Variants in ELP3 observed in about 807,000 individuals in gnomAD.
ELP3 encodes the protein elongator acetyltransferase complex subunit 3.
ELP3 carries 56 observed loss-of-function variants against 74.9 expected under a neutral mutation model. That is an observed-to-expected ratio of 0.75 (90% confidence interval 0.60 to 0.93). ELP3 has a LOEUF of 0.93. Among genes scored for constraint, ELP3 ranks in the 40% least tolerant of loss-of-function variants. ELP3 has a pLI of 0.00. For missense variants in ELP3, 573 were observed against 686.5 expected (o/e 0.83, Z 1.85); for synonymous variants, 222 against 239.8 (o/e 0.93, Z 0.68).
chr8:28,155,111 A>G (rs1287061515), intron 10 of ELP3, among the ~76,000 whole-genome samples: 1 of 152,260 alleles, frequency 6.6e-6, no homozygotes, highest in Non-Finnish European at 1.5e-5. Context: ...AAGCAAAATG[A>G]GAAGAAAAGA....
rs926943767 is a variant in ELP3 at position 28,129,670 on chromosome 8, T to C, written c.779+7T>C. On this transcript the variant is annotated splice_region_variant and intron_variant, in intron 8 of 14. Transcript: ENST00000256398. ...TGGCTAGAGACACCAACAGGTAAGATGGTGGCAGGTGATCTTGCACAAGTC... is the reference window on the plus strand; with the variant it reads ...TGGCTAGAGACACCAACAGGTAAGACGGTGGCAGGTGATCTTGCACAAGTC... 1.9e-6 allele frequency: 3 copies of C among 1,613,702 alleles called. No individual in the cohort carries two copies. The highest frequency in any genetic ancestry group is 3.3e-5 in the Admixed American group (2 of 60,020).
chr8:28,181,168 A>G (rs531973001), intron 14 of ELP3, among the ~76,000 whole-genome samples: 3 of 152,338 alleles, frequency 2.0e-5, no homozygotes, highest in East Asian at 1.9e-4. Flanking sequence ...ATTTTGTCTA[A>G]TATTTTCATT....
At chr8:28,125,621 G>A (rs1169172019) in intron 7 of ELP3, among the ~76,000 whole-genome samples, 1 of 152,114 alleles carries the variant, frequency 6.6e-6, no homozygotes, top group Non-Finnish European at 1.5e-5. Flanking sequence ...CTTAGTGCAA[G>A]GAGACAGTAA....
intron 5 of ELP3, 52 bp downstream of exon 5, chr8:28,108,028 G>T (rs1264521601): frequency 1.3e-6 from 2 of 1,492,042 alleles, no homozygotes; most frequent in Non-Finnish European, 9.3e-7. Context: ...TGCTTTACCT[G>T]TAGTATGGTT....
At chr8:28,153,392 A>C (rs528915830) in intron 10 of ELP3, among the ~76,000 whole-genome samples, 1 of 152,184 alleles carries the variant, frequency 6.6e-6, no homozygotes, top group Non-Finnish European at 1.5e-5. Flanking sequence ...ACCTGTCCAC[A>C]TTTGTCCCTA....
chr8:28,176,553 T>C (rs1449151325), intron 14 of ELP3, among the ~76,000 whole-genome samples: 1 of 152,186 alleles, frequency 6.6e-6, no homozygotes, highest in Non-Finnish European at 1.5e-5. Context: ...CTCTCCCTCA[T>C]CAGACACTCC....
At chr8:28,092,273 T>C (rs1357105662), upstream of ELP3, among the ~76,000 whole-genome samples, 2 of 152,178 alleles carry the variant, frequency 1.3e-5, no homozygotes, top group Non-Finnish European at 2.9e-5. Context: ...CTCTGTCGTC[T>C]AGGCTGGACA....
intron 10 of ELP3, among the ~76,000 whole-genome samples, chr8:28,138,449 A>G (rs895182719): frequency 1.3e-5 from 2 of 152,248 alleles, no homozygotes; most frequent in Non-Finnish European, 2.9e-5. Flanking sequence ...ATACTTACAT[A>G]CATACATACA....
chr8:28,113,149 C>G lies in ELP3; in HGVS notation c.593C>G (p.Ser198Cys), dbSNP rs779866999. The change falls in exon 7 of 15, where the codon TCC (serine) becomes TGC (cysteine). Residue 198 changes from serine (S) to cysteine (C), a missense_variant. Coordinates refer to ENST00000256398, the MANE Select transcript of ELP3 (RefSeq NM_018091.6). ...NLHDALSGHT[S>C]NNIYEAVKYS... ...CATGATGCCTTATCAGGACATACTT[C>G]CAACAATATTTACGAGGCAGTCAAG... is the stretch of plus-strand genomic sequence containing the variant. The G allele has an allele frequency of 6.2e-7, 1 of 1,612,724 alleles. No homozygotes were observed. Among genetic ancestry groups the G allele is most frequent in the Non-Finnish European group, 8.5e-7 (1 of 1,179,570 alleles).
chr8:28,177,907 C>T (rs1814827675), intron 14 of ELP3, among the ~76,000 whole-genome samples: 1 of 152,224 alleles, frequency 6.6e-6, no homozygotes, highest in African/African-American at 2.4e-5. Flanking sequence ...TCTGTTACAT[C>T]ACATTAATAA....
chr8:28,125,624 G>T (rs1465395208), intron 7 of ELP3, among the ~76,000 whole-genome samples: 1 of 152,154 alleles, frequency 6.6e-6, no homozygotes, highest in Non-Finnish European at 1.5e-5. Context: ...AGTGCAAGGA[G>T]ACAGTAATAA....
intron 3 of ELP3, among the ~76,000 whole-genome samples, chr8:28,104,395 T>G (rs1443293951): frequency 6.6e-6 from 1 of 152,242 alleles, no homozygotes; most frequent in Non-Finnish European, 1.5e-5. Flanking sequence ...TTTGTGTTCT[T>G]GAAACACCAT....
chr8:28,097,717 A>G (rs976602258), intron 2 of ELP3, among the ~76,000 whole-genome samples: 1 of 152,150 alleles, frequency 6.6e-6, no homozygotes. Flanking sequence ...CTTGATGGCA[A>G]AATTGTCTCA....
rs1437856591 is a variant in ELP3, at chr8:28,147,094, C to T, written c.1101-8848C>T. On this transcript the variant is annotated intron_variant, in intron 10 of 14. Transcript: ENST00000256398. The surrounding 1 kb of genome is among the most constrained non-coding windows in gnomAD (Gnocchi z 4.5). ...AAGGACTCATGTTCTCATTTTGCAC[C>T]GGGCCCCACAGATTCTGTAGCAGCC... Among the ~76,000 whole-genome samples, 1 of 152,154 alleles carries T rather than the reference C, an allele frequency of 6.6e-6. No individual in the cohort carries two copies. The highest frequency in any genetic ancestry group is 6.6e-5 in the Admixed American group (1 of 15,266).
At chr8:28,137,943 A>G in intron 10 of ELP3, 52 bp downstream of exon 10, 4 of 1,440,706 alleles carry the variant, frequency 2.8e-6, no homozygotes, top group African/African-American at 1.5e-5. Flanking sequence ...TCTGTTTACT[A>G]TTTCTCATGG....
chr8:28,129,668 G>A lies in ELP3; in HGVS notation c.779+5G>A. On this transcript the variant is annotated splice_donor_5th_base_variant and intron_variant, in intron 8 of 14. Coordinates refer to ENST00000256398, the MANE Select transcript of ELP3 (RefSeq NM_018091.6). Reference sequence around the variant, plus strand: ...TGTGGCTAGAGACACCAACAGGTAAGATGGTGGCAGGTGATCTTGCACAAG... The same window carrying A: ...TGTGGCTAGAGACACCAACAGGTAAAATGGTGGCAGGTGATCTTGCACAAG... 4.3e-6 allele frequency: 7 copies of A among 1,613,880 alleles called. No homozygotes were observed. Among genetic ancestry groups the A allele is most frequent in the Non-Finnish European group, 5.9e-6 (7 of 1,179,750 alleles).
chr8:28,150,569 G>T (rs1813603708), intron 10 of ELP3, among the ~76,000 whole-genome samples: 1 of 151,952 alleles, frequency 6.6e-6, no homozygotes, highest in African/African-American at 2.4e-5. Context: ...GGTTTCTTAG[G>T]GGAAGTTGGA....
chr8:28,122,494 T>C (rs1401142102), intron 7 of ELP3, among the ~76,000 whole-genome samples: 1 of 152,240 alleles, frequency 6.6e-6, no homozygotes, highest in African/African-American at 2.4e-5. Flanking sequence ...GAGCTATTCA[T>C]ATTTTCTGTT....
At chr8:28,128,669 C>T (rs964475230) in intron 7 of ELP3, among the ~76,000 whole-genome samples, 5 of 152,190 alleles carry the variant, frequency 3.3e-5, no homozygotes, top group African/African-American at 1.2e-4. Flanking sequence ...GCTTCAGTTT[C>T]ATCACTTGTG....
Sources: allele counts gnomAD v4.1 joint callset (sites outside exome capture counted in the v4.1 genomes callset), GRCh38; gene constraint gnomAD v4.1.1; non-coding constraint Gnocchi (gnomAD v3.1); transcripts MANE v1.5; gene names NCBI Gene and HGNC (gene_info 2026-07-23, HGNC 2026-07-21).